Variants in ARL6IP1 observed in about 807,000 individuals in gnomAD.
ARL6IP1 encodes ARL6 interacting reticulophagy regulator 1.
A neutral mutation model predicts 30.1 loss-of-function variants in ARL6IP1; 16 were observed. That is an observed-to-expected ratio of 0.53 (90% CI 0.36 to 0.81). ARL6IP1 has a LOEUF of 0.81. ARL6IP1 is among the 30% of genes least tolerant of loss of function. The pLI is 0.01. For synonymous variants in ARL6IP1, 72 were observed against 84.8 expected (o/e 0.85, Z 0.83); for missense variants, 173 against 242.7 (o/e 0.71, Z 1.91).
rs2030305105 is a variant in ARL6IP1 at position 18,798,373 on chromosome 16, G to A, written c.170+328C>T. Reference sequence around the variant, plus strand: ...GTTGATGGGTGCAGCAAACCACCATGGCACATGTATATATACCTATGTAAC... The same window carrying A: ...GTTGATGGGTGCAGCAAACCACCATAGCACATGTATATATACCTATGTAAC... On this transcript the variant is annotated intron_variant, in intron 2 of 5. Transcript: ENST00000304414. 1.6e-5 allele frequency: 5 copies of A among 309,718 alleles called. No homozygotes were observed. The South Asian group carries it at 2.9e-4, about 18-fold the overall frequency. The allele number at this position is 309,718 out of a possible 1,614,324, so 19.2% of individuals were successfully genotyped here.
intron 1 of ARL6IP1, among the ~76,000 whole-genome samples, chr16:18,799,974 G>C (rs1023199605): frequency 2.7e-4 from 41 of 152,302 alleles, no homozygotes; most frequent in Non-Finnish European, 5.3e-4. Flanking sequence ...GGCGGGTCGG[G>C]GGGGATTGCT....
chr16:18,795,817 G>A (rs1022665934), intron 3 of ARL6IP1, among the ~76,000 whole-genome samples: 2 of 152,134 alleles, frequency 1.3e-5, no homozygotes, highest in Admixed American at 1.3e-4. Flanking sequence ...GTGTGCGTGT[G>A]ATAAAGAAAG....
chr16:18,799,646 T>G (rs2030349818), intron 1 of ARL6IP1, among the ~76,000 whole-genome samples: 1 of 152,212 alleles, frequency 6.6e-6, no homozygotes, highest in African/African-American at 2.4e-5. Context: ...CTAAAATAGC[T>G]CTTTGTGTAA....
chr16:18,799,309 G>A (rs2030337704), intron 1 of ARL6IP1, among the ~76,000 whole-genome samples: 1 of 152,194 alleles, frequency 6.6e-6, no homozygotes, highest in African/African-American at 2.4e-5. Context: ...ACCAGGCCCA[G>A]CCTAAATATC....
At chr16:18,794,518 A>G (rs938893956) in intron 5 of ARL6IP1, 81 bp downstream of exon 5, 8 of 951,108 alleles carry the variant, frequency 8.4e-6, no homozygotes, top group African/African-American at 3.3e-5. Flanking sequence ...AAACTTAGGA[A>G]GTATTCAGCT....
At chr16:18,801,255 G>A (rs761759394) in intron 1 of ARL6IP1, 176 bp downstream of exon 1, 74 of 1,435,474 alleles carry the variant, frequency 5.2e-5, no homozygotes, top group Non-Finnish European at 6.1e-5. Flanking sequence ...CCCAGGAAAG[G>A]TAAGGGTTCG....
chr16:18,798,856 A>C, intron 1 of ARL6IP1, 22 bp from the exon 2 acceptor site: 1 of 1,606,878 alleles, frequency 6.2e-7, no homozygotes, highest in Non-Finnish European at 8.5e-7. Context: ...CGACATTTAA[A>C]GTGATCATTT....
Position 18,794,049 on chromosome 16 carries a change from T to A in ARL6IP1, c.493+550A>T, listed in dbSNP as rs1374640390. On this transcript the variant is annotated intron_variant, in intron 5 of 5. Transcript: ENST00000304414. ...TCACTGTAACCTCCACCTCCTGGGT[T>A]CAGGTGATTCTCATGCCTCAGCCTC... Among the ~76,000 whole-genome samples, 3 of 152,128 alleles carry A rather than the reference T, an allele frequency of 2.0e-5. No homozygotes were observed. The East Asian group carries it at 5.8e-4, about 29-fold the overall frequency.
chr16:18,795,611 A>G, intron 3 of ARL6IP1, 30 bp from the exon 4 acceptor site: 1 of 1,487,166 alleles, frequency 6.7e-7, no homozygotes, highest in Non-Finnish European at 9.3e-7. Flanking sequence ...TTTGCTATAA[A>G]CAAATCGTTA....
Position 18,793,357 on chromosome 16 carries a change from T to G in ARL6IP1, c.507A>C (p.Leu169=), listed in dbSNP as rs760587214. 18 of 1,605,032 alleles carry G rather than the reference T, an allele frequency of 1.1e-5. No individual in the cohort carries two copies. The highest frequency in any genetic ancestry group is 1.5e-5 in the Non-Finnish European group (18 of 1,175,066). ...CATGTTGGTTTAGTCCAGGAAGCAA[T>G]AGTAAGGAAGTCACTTAAAATAAAA... ...LLTYLIVTSL[L]LLPGLNQHGI... is the part of the protein sequence containing the mutation. The change falls in exon 6 of 6, where the codon CTA becomes CTC. Residue 169 remains leucine (L), a synonymous_variant. Transcript: ENST00000304414.
rs1433302837 is a variant in ARL6IP1 at position 18,795,560 on chromosome 16, T to G, written c.312A>C (p.Arg104Ser). The G allele has an allele frequency of 6.2e-7, 1 of 1,613,386 alleles. No individual in the cohort carries two copies. Among genetic ancestry groups the G allele is most frequent in the Non-Finnish European group, 8.5e-7 (1 of 1,179,868 alleles). The change falls in exon 4 of 6, where the codon AGA becomes AGC. Residue 104 changes from arginine (R) to serine (S), a missense_variant. Arg to Ser is a moderately radical substitution (Grantham distance 110, BLOSUM62 -1). Coordinates refer to ENST00000304414, the MANE Select transcript of ARL6IP1 (RefSeq NM_015161.3). ...SNKWTTEQQQ[R>S]FHEICSNLVK... ...CTAGATTGCTGCAAATTTCATGGAA[T>G]CTTTGCTGTTGTTCAGTGGTCCTAG...
intron 3 of ARL6IP1, among the ~76,000 whole-genome samples, chr16:18,796,122 T>G (rs2650627): frequency 0.5 from 75,635 of 151,616 alleles, 19,027 homozygotes; most frequent in Middle Eastern, 0.58. Flanking sequence ...TGTAAATTTA[T>G]CCCTAGGGAG....
chr16:18,798,258 T>C (rs2030301638), intron 2 of ARL6IP1: 2 of 427,840 alleles, frequency 4.7e-6, no homozygotes, highest in Non-Finnish European at 8.3e-6. Context: ...CAAAAGCTCT[T>C]TGGAGTTCTC....
At chr16:18,795,750 T>G (rs1465922099) in intron 3 of ARL6IP1, among the ~76,000 whole-genome samples, 169 bp from the exon 4 acceptor site, 1 of 152,210 alleles carries the variant, frequency 6.6e-6, no homozygotes, top group Non-Finnish European at 1.5e-5. Flanking sequence ...ACACCTTTTA[T>G]AGCACAGGAG....
chr16:18,795,425 T>C, intron 4 of ARL6IP1, 39 bp downstream of exon 4: 2 of 1,457,814 alleles, frequency 1.4e-6, no homozygotes, highest in East Asian at 2.3e-5. Flanking sequence ...ACTCAAATCT[T>C]AAAATTTTAC....
At chr16:18,796,382 GA>G (rs774675520) in intron 3 of ARL6IP1, among the ~76,000 whole-genome samples, 4 of 152,160 alleles carry the variant, frequency 2.6e-5, no homozygotes, top group Non-Finnish European at 5.9e-5. Flanking sequence ...CTGAGCCCTG[GA>G]ACTTCTTTTC....
rs1596947889 is a variant in ARL6IP1, at chr16:18,798,032, A to G, written c.183T>C (p.Tyr61=). The G allele has an allele frequency of 6.2e-7, 1 of 1,600,488 alleles. No homozygotes were observed. The highest frequency in any genetic ancestry group is 2.3e-5 in the East Asian group (1 of 44,388). The change falls in exon 3 of 6, where the codon TAT becomes TAC. Residue 61 remains tyrosine, a synonymous_variant. Transcript: ENST00000304414. ...VVSLVFLIIY[Y]LDPSVLSGVS... is the part of the protein sequence containing the mutation. ...CGCCGGACAGAACAGATGGATCTAG[A>G]TAGTAGATAATCCTGTTAAAAAAAT...
rs948528151 is a variant in ARL6IP1 at position 18,792,480 on chromosome 16, G to C, written c.*772C>G. 1 of 152,186 alleles carries C rather than the reference G, an allele frequency of 6.6e-6. No homozygotes were observed. Among genetic ancestry groups the C allele is most frequent in the African/African-American group, 2.4e-5 (1 of 41,434 alleles). 9.4% of individuals were successfully genotyped at this position (152,186 alleles called of 1,614,324 possible). On this transcript the variant is annotated 3_prime_UTR_variant, in exon 6 of 6. Transcript: ENST00000304414. ...CTGTATACTATAGCTAATGTCAGCT[G>C]AAAATCTGAAATTAAAAGCATGCTA... is the stretch of plus-strand genomic sequence containing the variant.
chr16:18,793,222 G>T lies in ARL6IP1; in HGVS notation c.*30C>A. The T allele has an allele frequency of 1.4e-6, 2 of 1,454,600 alleles. No individual in the cohort carries two copies. The highest frequency in any genetic ancestry group is 1.9e-6 in the Non-Finnish European group (2 of 1,040,558). The allele number at this position is 1,454,600 out of a possible 1,614,324, so 90.1% of individuals were successfully genotyped here. ...AACGGTTCCCGGGGCAATGGGTGCTGCATTAATCACACTGATTAAAGCAGA... is the reference window on the plus strand; with the variant it reads ...AACGGTTCCCGGGGCAATGGGTGCTTCATTAATCACACTGATTAAAGCAGA... On this transcript the variant is annotated 3_prime_UTR_variant, in exon 6 of 6. Transcript: ENST00000304414.
Sources: allele counts gnomAD v4.1 joint callset (sites outside exome capture counted in the v4.1 genomes callset), GRCh38; gene constraint gnomAD v4.1.1; transcripts MANE v1.5; gene names NCBI Gene and HGNC (gene_info 2026-07-23, HGNC 2026-07-21).